The following SLX4IP variants were observed in gnomAD, a reference collection of about 807,000 sequenced individuals.
SLX4IP encodes the protein protein SLX4IP.
In SLX4IP, 34 loss-of-function variants were observed where a neutral mutation model predicts 32.9. The ratio of observed to expected loss-of-function variants is 1.03; its 90% confidence interval spans 0.79 to 1.38. The LOEUF (loss-of-function observed/expected upper bound fraction) is 1.38, where lower values mean the gene tolerates loss of function less well. Ranked by LOEUF, SLX4IP falls within the 40% of genes most tolerant of loss-of-function variation. The pLI is 0.00. For synonymous variants in SLX4IP, 172 were observed against 171.7 expected (o/e 1.00, Z -0.01); for missense variants, 444 against 479.0 (o/e 0.93, Z 0.68).
chr20:10,436,536 T>C (rs1184193292), intron 1 of SLX4IP, among the ~76,000 whole-genome samples: 1 of 152,124 alleles, frequency 6.6e-6, no homozygotes, highest in East Asian at 1.9e-4. Flanking sequence ...TTTGTATTTT[T>C]AGTAGAGACA....
intron 2 of SLX4IP, among the ~76,000 whole-genome samples, chr20:10,459,831 T>C (rs2065321659): frequency 6.6e-6 from 1 of 152,188 alleles, no homozygotes; most frequent in African/African-American, 2.4e-5. Flanking sequence ...GAACTGATGA[T>C]GAGTGCAAGA....
At chr20:10,603,046 A>T (rs1375961214) in intron 6 of SLX4IP, among the ~76,000 whole-genome samples, 2 of 152,238 alleles carry the variant, frequency 1.3e-5, no homozygotes, top group African/African-American at 4.8e-5. Flanking sequence ...AAATATTTCC[A>T]GGATGTTGAG....
At chr20:10,619,217 C>CTTTTTTTTTTTTTTTTTTTTT (rs59741153) in intron 6 of SLX4IP, among the ~76,000 whole-genome samples, 44 of 126,620 alleles carry the variant, frequency 3.5e-4, no homozygotes, top group Non-Finnish European at 4.8e-4. Context: ...CTTTTTTTTT[C>CTTTTTTTTTTTTTTTTTTTTT]TTTTTTTTTT....
rs533609158 is a variant in SLX4IP, at chr20:10,529,928, G to T, written c.28-26303G>T. The stretch of plus-strand genomic sequence containing the variant: ...CCAAGACCATATGCAGTCTACAGAG[G>T]TTCCATCTATGGAGCAAAAGTTGGG... On this transcript the variant is annotated intron_variant, in intron 2 of 7. Transcript: ENST00000334534. Among the ~76,000 whole-genome samples, 3 of 152,266 alleles carry T rather than the reference G, an allele frequency of 2.0e-5. No homozygotes were observed. In the South Asian group the frequency reaches 6.2e-4, roughly 32 times the overall value.
intron 2 of SLX4IP, among the ~76,000 whole-genome samples, chr20:10,526,304 T>G (rs1211559311): frequency 6.6e-6 from 1 of 152,242 alleles, no homozygotes; most frequent in Non-Finnish European, 1.5e-5. Context: ...AATTATAATT[T>G]AGCTCTTGCT....
At position 10,458,167 on chromosome 20, in the gene SLX4IP, T is replaced by A; in HGVS notation, c.-29-9T>A. 6.5e-7 allele frequency: 1 copy of A among 1,537,460 alleles called. No individual in the cohort carries two copies. Among genetic ancestry groups the A allele is most frequent in the Non-Finnish European group, 8.7e-7 (1 of 1,151,512 alleles). On this transcript the variant is annotated splice_polypyrimidine_tract_variant and intron_variant, in intron 1 of 7. Coordinates refer to ENST00000334534, the MANE Select transcript of SLX4IP (RefSeq NM_001009608.3). ...ATATACCTAATTGTAACTTTTTTTT[T>A]TCTTAAAGGTCTGTAGTTACTGTGG...
chr20:10,459,497 T>C (rs1450366330), intron 2 of SLX4IP, among the ~76,000 whole-genome samples: 1 of 152,230 alleles, frequency 6.6e-6, no homozygotes, highest in Non-Finnish European at 1.5e-5. Flanking sequence ...GTTCATATGG[T>C]TATGAGGCGT....
At chr20:10,583,530 G>T (rs1030749301) in intron 4 of SLX4IP, among the ~76,000 whole-genome samples, 4 of 152,112 alleles carry the variant, frequency 2.6e-5, no homozygotes, top group Non-Finnish European at 5.9e-5. Context: ...TTTGGATTTG[G>T]CTGGCTGCAT....
chr20:10,591,037 CT>C (rs1245221152), intron 4 of SLX4IP, among the ~76,000 whole-genome samples: 1 of 152,202 alleles, frequency 6.6e-6, no homozygotes, highest in Admixed American at 6.5e-5. Flanking sequence ...TCTGGTACCC[CT>C]GTGCCCTAGT....
At chr20:10,497,703 G>A (rs929249955) in intron 2 of SLX4IP, among the ~76,000 whole-genome samples, 2 of 151,894 alleles carry the variant, frequency 1.3e-5, no homozygotes, top group African/African-American at 4.8e-5. Context: ...AATTCAAATA[G>A]ACTGTTCCAG....
At chr20:10,458,258 A>T in intron 2 of SLX4IP, 27 bp downstream of exon 2, 1 of 1,555,650 alleles carries the variant, frequency 6.4e-7, no homozygotes, top group Non-Finnish European at 8.7e-7. Context: ...AGCTTTTTAA[A>T]AAGAGGCTAA....
At chr20:10,599,433 G>A (rs189335368) in intron 5 of SLX4IP, among the ~76,000 whole-genome samples, 10 of 152,060 alleles carry the variant, frequency 6.6e-5, no homozygotes, top group African/African-American at 2.4e-4. Flanking sequence ...CTTTTTTGCT[G>A]TTATTTGTTT....
At chr20:10,478,999 C>A (rs371083068) in intron 2 of SLX4IP, among the ~76,000 whole-genome samples, 1 of 152,242 alleles carries the variant, frequency 6.6e-6, no homozygotes, top group African/African-American at 2.4e-5. Context: ...CAAGAGAAAA[C>A]TGCCTAAAAC....
rs374467137 is a variant in SLX4IP at position 10,501,516 on chromosome 20, A to G, written c.27+43285A>G. Among the ~76,000 whole-genome samples, 30 of 152,330 alleles carry G rather than the reference A, an allele frequency of 2.0e-4. No individual in the cohort carries two copies. The East Asian group carries it at 3.5e-3, about 18-fold the overall frequency. ...AATAAAGTGCTCAGCCCCCACAGCA[A>G]TCTCCTTCCTTCAGAGGCGGAACTG... On this transcript the variant is annotated intron_variant, in intron 2 of 7. Coordinates refer to ENST00000334534, the MANE Select transcript of SLX4IP (RefSeq NM_001009608.3).
intron 4 of SLX4IP, among the ~76,000 whole-genome samples, chr20:10,584,107 A>G (rs2066617781): frequency 6.6e-6 from 1 of 152,218 alleles, no homozygotes; most frequent in South Asian, 2.1e-4. Flanking sequence ...GATAAAAATA[A>G]AAAGCACATA....
chr20:10,535,288 CAGG>C (rs1361640761), intron 2 of SLX4IP, among the ~76,000 whole-genome samples: 3 of 152,090 alleles, frequency 2.0e-5, no homozygotes, highest in Non-Finnish European at 4.4e-5. Context: ...TGAGTCAAAA[CAGG>C]AGGAGGGAGC....
chr20:10,504,847 T>A (rs1278235025), intron 2 of SLX4IP, among the ~76,000 whole-genome samples: 1 of 152,144 alleles, frequency 6.6e-6, no homozygotes. Context: ...AAGTGAATTT[T>A]AAACTTGACT....
intron 2 of SLX4IP, among the ~76,000 whole-genome samples, chr20:10,530,800 G>T (rs1197084214): frequency 6.6e-6 from 1 of 150,868 alleles, no homozygotes; most frequent in Non-Finnish European, 1.5e-5. Flanking sequence ...TGACTCTAAG[G>T]TAGAAAAAAA....
intron 2 of SLX4IP, among the ~76,000 whole-genome samples, chr20:10,486,758 G>A (rs1033410447): frequency 6.6e-6 from 1 of 152,166 alleles, no homozygotes; most frequent in African/African-American, 2.4e-5. Context: ...TTCTAAGATA[G>A]TTAATAGCCC....
Sources: gnomAD v4.1 joint callset for allele counts (sites outside exome capture counted in the v4.1 genomes callset) on GRCh38, gnomAD v4.1.1 for gene constraint, MANE v1.5 for transcripts, NCBI Gene and HGNC (gene_info 2026-07-23, HGNC 2026-07-21) for gene names.